The following TXK variants were observed in gnomAD, a reference collection of about 807,000 sequenced individuals.
TXK encodes the protein TXK tyrosine kinase.
Under a neutral mutation model 81.0 loss-of-function variants are expected in TXK, and 60 were observed. That is an observed-to-expected ratio of 0.74 (90% CI 0.60 to 0.92). TXK has a LOEUF of 0.92. Among genes scored for constraint, TXK ranks in the 40% least tolerant of loss-of-function variants. TXK has a pLI of 0.00. For missense variants in TXK, 581 were observed against 638.3 expected (o/e 0.91, Z 0.97); for synonymous variants, 203 against 210.7 (o/e 0.96, Z 0.32).
rs1367392356 is a variant in TXK at position 48,080,017 on chromosome 4, CCT to C, written c.1066_1067del (p.Arg356GlyfsTer3). ...MENGCLLNYLRENKGKLRKEM... is the reference protein window; with the variant it reads ...MENGCLLNYLXENKGKLRKEM... ...CCTTCCTAAGCTTTCCTTTATTCTCCCTGAGATAGTTAAGCAGGCAGCCATTT... is the reference window on the plus strand; with the variant it reads ...CCTTCCTAAGCTTTCCTTTATTCTCCGAGATAGTTAAGCAGGCAGCCATTT... On this transcript the variant is annotated frameshift_variant, in exon 11 of 15. Coordinates refer to ENST00000264316, the MANE Select transcript of TXK (RefSeq NM_003328.3). LOFTEE classifies it high-confidence loss of function. 1 of 1,614,034 alleles carries C rather than the reference CCT, an allele frequency of 6.2e-7. No homozygotes were observed. Among genetic ancestry groups the C allele is most frequent in the Non-Finnish European group, 8.5e-7 (1 of 1,179,974 alleles).
intron 8 of TXK, among the ~76,000 whole-genome samples, chr4:48,092,390 A>C (rs1255774876): frequency 6.6e-6 from 1 of 152,224 alleles, no homozygotes; most frequent in African/African-American, 2.4e-5. Context: ...AACAAGTGAC[A>C]CTGCCAAATG....
chr4:48,133,718 TATAG>T (rs1479904972), intron 1 of TXK, among the ~76,000 whole-genome samples: 4 of 152,228 alleles, frequency 2.6e-5, no homozygotes, highest in Non-Finnish European at 4.4e-5. Flanking sequence ...TTGCCTTAAA[TATAG>T]ATATTTATTT....
At chr4:48,095,896 T>C (rs1445580614) in intron 6 of TXK, among the ~76,000 whole-genome samples, 5 of 152,258 alleles carry the variant, frequency 3.3e-5, no homozygotes, top group African/African-American at 1.2e-4. Flanking sequence ...ATCTTGAATG[T>C]TGCATTGTTT....
intron 1 of TXK, 70 bp downstream of exon 1, chr4:48,134,085 C>T: frequency 6.3e-7 from 1 of 1,579,428 alleles, no homozygotes; most frequent in Non-Finnish European, 8.6e-7. Context: ...AAAAAACTTC[C>T]TCTGCTGTTC....
intron 3 of TXK, among the ~76,000 whole-genome samples, chr4:48,112,978 C>T (rs1718685116): frequency 6.6e-6 from 1 of 151,964 alleles, no homozygotes; most frequent in Admixed American, 6.6e-5. Context: ...TGTTTTTTCC[C>T]ACTCATTGCC....
At chr4:48,074,690 G>A (rs928984686) in intron 12 of TXK, among the ~76,000 whole-genome samples, 3 of 148,532 alleles carry the variant, frequency 2.0e-5, no homozygotes, top group Non-Finnish European at 4.4e-5. Flanking sequence ...GTCAGACACT[G>A]AGGAGAAGAG....
rs1211685035 is a variant in TXK at position 48,119,385 on chromosome 4, A to C, written c.17-4983T>G. 2.6e-5 allele frequency among the ~76,000 whole-genome samples: 4 copies of C among 152,114 alleles called. No homozygotes were observed. In the East Asian group the frequency reaches 7.7e-4, roughly 29 times the overall value. On this transcript the variant is annotated intron_variant, in intron 1 of 14. Transcript: ENST00000264316. ...ACCTTTCTCTGATTTGGACGTCACC[A>C]TTGCTCAGTTGTTGAGCCATGGACA... is the stretch of plus-strand genomic sequence containing the variant.
At chr4:48,112,598 G>T in intron 3 of TXK, 86 bp from the exon 4 acceptor site, 2 of 1,384,058 alleles carry the variant, frequency 1.4e-6, no homozygotes, top group Non-Finnish European at 9.7e-7. Context: ...TTTGCCTTCT[G>T]CCTCACTTTT....
intron 1 of TXK, among the ~76,000 whole-genome samples, chr4:48,119,340 C>T (rs750163121): frequency 1.3e-5 from 2 of 152,192 alleles, no homozygotes; most frequent in Non-Finnish European, 2.9e-5. Flanking sequence ...TCTAAACCTA[C>T]ATTCATACAT....
chr4:48,109,297 G>A (rs1343248721), intron 5 of TXK: 3 of 151,878 alleles, frequency 2.0e-5, no homozygotes, highest in Admixed American at 1.3e-4. Flanking sequence ...AAAGTGCTAC[G>A]GTTACAGGCA....
chr4:48,106,777 A>G (rs1718473267), intron 5 of TXK, among the ~76,000 whole-genome samples: 1 of 152,216 alleles, frequency 6.6e-6, no homozygotes, highest in Non-Finnish European at 1.5e-5. Flanking sequence ...AAAGTTCAGG[A>G]ATAATCAATA....
At chr4:48,113,984 T>C (rs534213692) in intron 2 of TXK, among the ~76,000 whole-genome samples, 6 of 152,290 alleles carry the variant, frequency 3.9e-5, no homozygotes, top group African/African-American at 1.4e-4. Flanking sequence ...AAGTATAAGA[T>C]ACACCGGTAG....
At chr4:48,072,295 G>T (rs1406378612) in intron 13 of TXK, among the ~76,000 whole-genome samples, 1 of 152,068 alleles carries the variant, frequency 6.6e-6, no homozygotes, top group African/African-American at 2.4e-5. Flanking sequence ...AAGCCATCAC[G>T]CCCGGCCTAG....
chr4:48,129,100 T>G (rs1303742036), intron 1 of TXK, among the ~76,000 whole-genome samples: 1 of 152,068 alleles, frequency 6.6e-6, no homozygotes, highest in Non-Finnish European at 1.5e-5. Flanking sequence ...ATAGTAAAAT[T>G]GGGACATTGA....
chr4:48,087,173 A>G (rs887740173), intron 9 of TXK, among the ~76,000 whole-genome samples: 1 of 152,202 alleles, frequency 6.6e-6, no homozygotes, highest in African/African-American at 2.4e-5. Flanking sequence ...TATATCTAAG[A>G]GTATAGCTGA....
chr4:48,085,882 A>G (rs1199545494), intron 10 of TXK, among the ~76,000 whole-genome samples: 2 of 152,156 alleles, frequency 1.3e-5, no homozygotes, highest in East Asian at 3.8e-4. Flanking sequence ...TGCATTCACC[A>G]TCCTTCAAGT....
Position 48,132,186 on chromosome 4 carries a change from A to G in TXK, c.16+1969T>C, listed in dbSNP as rs139465270. On this transcript the variant is annotated intron_variant, in intron 1 of 14. Transcript: ENST00000264316. ...AGAAATGTAAAAACTTGACTTTTTT[A>G]GCTGGTCTTTGATTGCTTTAATCTG... 2.8e-3 allele frequency among the ~76,000 whole-genome samples: 432 copies of G among 152,174 alleles called. 4 individuals carry two copies. Among genetic ancestry groups the G allele is most frequent in the African/African-American group, 0.01 (417 of 41,524 alleles).
chr4:48,100,921 A>AAT (rs1560353082), intron 6 of TXK, among the ~76,000 whole-genome samples: 2 of 152,028 alleles, frequency 1.3e-5, no homozygotes, highest in East Asian at 3.9e-4. Context: ...TATGTAAAAA[A>AAT]ATATATATAT....
intron 1 of TXK, among the ~76,000 whole-genome samples, chr4:48,120,213 A>G (rs1482309435): frequency 2.1e-5 from 2 of 94,356 alleles, no homozygotes; most frequent in Non-Finnish European, 6.0e-5. Flanking sequence ...ATACGTATAT[A>G]TGTACATATA....
Sources: gnomAD v4.1 joint callset for allele counts (sites outside exome capture counted in the v4.1 genomes callset) on GRCh38, gnomAD v4.1.1 for gene constraint, MANE v1.5 for transcripts, NCBI Gene and HGNC (gene_info 2026-07-23, HGNC 2026-07-21) for gene names.